Variants in RAB38 observed in about 807,000 individuals in gnomAD.
RAB38 encodes the protein RAB38, member RAS oncogene family.
Under a neutral mutation model 18.4 loss-of-function variants are expected in RAB38, and 15 were observed. The observed-to-expected ratio is 0.82, with a 90% CI of 0.55 to 1.26. The LOEUF is 1.26. RAB38 is among the 50% of genes most tolerant of loss of function. The pLI is 0.00. For missense variants in RAB38, 294 were observed against 267.4 expected (o/e 1.10, Z -0.69); for synonymous variants, 101 against 104.4 (o/e 0.97, Z 0.20).
the RAB38 span, among the ~76,000 whole-genome samples, chr11:88,016,945 C>A: frequency 6.6e-6 from 1 of 151,994 alleles, no homozygotes; most frequent in African/African-American, 2.4e-5. Flanking sequence ...ATGGATTAAG[C>A]AGACTTGCAA....
chr11:87,960,090 T>C, the RAB38 span, among the ~76,000 whole-genome samples: 3 of 152,160 alleles, frequency 2.0e-5, no homozygotes, highest in Non-Finnish European at 4.4e-5. Flanking sequence ...AAAGCTGGGA[T>C]ATGAACCCAA....
At chr11:87,913,928 T>G in the RAB38 span, among the ~76,000 whole-genome samples, 1 of 152,074 alleles carries the variant, frequency 6.6e-6, no homozygotes, top group Non-Finnish European at 1.5e-5. Context: ...TCAGCCTCCA[T>G]AACTGTAAGA....
rs539500525 is a variant in RAB38, at chr11:88,127,582, C to G, written c.484-13442G>C. Among the ~76,000 whole-genome samples the G allele has an allele frequency of 1.2e-4, 18 of 152,264 alleles. No homozygotes were observed. The East Asian group carries it at 3.5e-3, about 29-fold the overall frequency. ...TATTACCCTGTGTGTTTTTTATACCCTCACCTAAGTAGTGCTACCCCCATT... is the reference window on the plus strand; with the variant it reads ...TATTACCCTGTGTGTTTTTTATACCGTCACCTAAGTAGTGCTACCCCCATT... On this transcript the variant is annotated intron_variant, in intron 2 of 2. Transcript: ENST00000243662.
the RAB38 span, among the ~76,000 whole-genome samples, chr11:87,846,682 A>T: frequency 6.6e-6 from 1 of 152,122 alleles, no homozygotes; most frequent in Non-Finnish European, 1.5e-5. Flanking sequence ...CTCAATAATT[A>T]TAATGAACTG....
chr11:88,067,891 T>G, the RAB38 span, among the ~76,000 whole-genome samples: 18 of 151,292 alleles, frequency 1.2e-4, no homozygotes, highest in African/African-American at 3.9e-4. Flanking sequence ...GTTCTACACA[T>G]GTATCCCAGA....
At chr11:87,845,266 G>C in the RAB38 span, among the ~76,000 whole-genome samples, 5 of 152,022 alleles carry the variant, frequency 3.3e-5, no homozygotes, top group African/African-American at 1.2e-4. Context: ...AGATGGAATA[G>C]GTCTTTCAAA....
At chr11:87,963,925 C>T in the RAB38 span, among the ~76,000 whole-genome samples, 3 of 152,076 alleles carry the variant, frequency 2.0e-5, no homozygotes, top group Non-Finnish European at 2.9e-5. Context: ...GGATTACAAG[C>T]GTGAGCCACC....
chr11:87,818,851 T>A, the RAB38 span, among the ~76,000 whole-genome samples: 3 of 152,180 alleles, frequency 2.0e-5, no homozygotes, highest in African/African-American at 4.8e-5. Context: ...TCTGCTCATA[T>A]CAACTGTAAC....
the RAB38 span, among the ~76,000 whole-genome samples, chr11:87,970,625 T>G: frequency 2.1e-4 from 32 of 152,194 alleles, no homozygotes; most frequent in African/African-American, 7.5e-4. Flanking sequence ...TTCTTTAAAA[T>G]GAAAGACTTA....
the RAB38 span, among the ~76,000 whole-genome samples, chr11:87,848,487 C>T: frequency 6.6e-6 from 1 of 151,208 alleles, no homozygotes; most frequent in Admixed American, 6.6e-5. Flanking sequence ...TCAAAATAAT[C>T]TGTTTGATAA....
the RAB38 span, among the ~76,000 whole-genome samples, chr11:88,095,176 G>A: frequency 1.3e-5 from 2 of 151,886 alleles, no homozygotes; most frequent in East Asian, 3.9e-4. Flanking sequence ...AAACACACAA[G>A]ATATAAGCAA....
At chr11:88,136,730 G>A (rs1942840551) in intron 2 of RAB38, among the ~76,000 whole-genome samples, 1 of 152,212 alleles carries the variant, frequency 6.6e-6, no homozygotes, top group Non-Finnish European at 1.5e-5. Flanking sequence ...AGTGTATAGA[G>A]GGAGATATGG....
chr11:87,974,103 AAAG>A, the RAB38 span, among the ~76,000 whole-genome samples: 9 of 152,116 alleles, frequency 5.9e-5, no homozygotes, highest in East Asian at 5.8e-4. Flanking sequence ...TGAGATAGTC[AAAG>A]AAGGAGGCAA....
intron 2 of RAB38, among the ~76,000 whole-genome samples, chr11:88,147,101 C>CTTG (rs1472712067): frequency 1.3e-5 from 2 of 152,228 alleles, no homozygotes; most frequent in Non-Finnish European, 2.9e-5. Context: ...AGCTTCCCCA[C>CTTG]AGATTCATAG....
chr11:87,816,902 T>C, the RAB38 span: 1 of 152,144 alleles, frequency 6.6e-6, no homozygotes, highest in Non-Finnish European at 1.5e-5. Context: ...ATGATTCTAA[T>C]ACATACAAAG....
At chr11:87,943,126 AATAAGAG>A in the RAB38 span, among the ~76,000 whole-genome samples, 1 of 152,138 alleles carries the variant, frequency 6.6e-6, no homozygotes, top group Non-Finnish European at 1.5e-5. Context: ...ATGGGAACAG[AATAAGAG>A]ATAACCTACA....
rs675578 is a variant in RAB38, at chr11:88,113,635, G to A, written c.*353C>T. 39,739 of 195,996 alleles carry A rather than the reference G, an allele frequency of 0.2. 6,091 individuals carry two copies. The highest frequency in any genetic ancestry group is 0.41 in the African/African-American group (17,950 of 43,260). 12.1% of individuals were successfully genotyped at this position (195,996 alleles called of 1,614,324 possible). ...CAGGGCAAGGTGAAAGCCAGTCCTT[G>A]ACTTGACAGCTAGTTTGTTCTTCTC... On this transcript the variant is annotated 3_prime_UTR_variant, in exon 3 of 3. Transcript: ENST00000243662.
At chr11:88,009,480 C>A in the RAB38 span, among the ~76,000 whole-genome samples, 1 of 152,288 alleles carries the variant, frequency 6.6e-6, no homozygotes, top group African/African-American at 2.4e-5. Flanking sequence ...CAGGGTAAAT[C>A]TTCCACTTAT....
chr11:88,100,192 TA>T, the RAB38 span: 1 of 151,888 alleles, frequency 6.6e-6, no homozygotes, highest in Non-Finnish European at 1.5e-5. Context: ...CAAAGATTTT[TA>T]AAAACACCTA....
Sources: allele counts gnomAD v4.1 joint callset (sites outside exome capture counted in the v4.1 genomes callset), GRCh38; gene constraint gnomAD v4.1.1; transcripts MANE v1.5; gene names NCBI Gene and HGNC (gene_info 2026-07-23, HGNC 2026-07-21).